Variants in PTPRM observed in about 807,000 individuals in gnomAD.
PTPRM encodes the protein receptor-type tyrosine-protein phosphatase mu.
In PTPRM, 47 loss-of-function variants were observed where a neutral mutation model predicts 186.7. The ratio of observed to expected loss-of-function variants is 0.25; its 90% CI spans 0.20 to 0.32. The LOEUF is 0.32. Ranked by LOEUF, PTPRM falls within the 10% of genes least tolerant of loss-of-function variation. The probability of loss-of-function intolerance (pLI) is 1.00; values close to 1 mark genes in which losing one functional copy is unlikely to be tolerated. For missense variants in PTPRM, 1,494 were observed against 1,865.0 expected, an observed-to-expected ratio of 0.80 and a Z score of 3.66; for synonymous variants, 668 against 674.9, an observed-to-expected ratio of 0.99 and a Z score of 0.16.
At chr18:8,074,107 A>G (rs1452638907) in intron 8 of PTPRM, among the ~76,000 whole-genome samples, 1 of 152,172 alleles carries the variant, frequency 6.6e-6, no homozygotes. Context: ...AATGTTCTAC[A>G]TTTATATATA....
intron 7 of PTPRM, 95 bp downstream of exon 7, chr18:7,955,509 A>C: frequency 7.1e-7 from 1 of 1,409,664 alleles, no homozygotes; most frequent in Non-Finnish European, 9.6e-7. Flanking sequence ...CGCTTCCCCT[A>C]GCTCTATCAA....
At chr18:8,162,832 C>T (rs1188072768) in intron 14 of PTPRM, among the ~76,000 whole-genome samples, 1 of 152,166 alleles carries the variant, frequency 6.6e-6, no homozygotes, top group Non-Finnish European at 1.5e-5. Context: ...AAACAGTCTC[C>T]AGGGCCCTGA....
At chr18:7,855,430 C>A (rs1252327664) in intron 2 of PTPRM, among the ~76,000 whole-genome samples, 1 of 152,202 alleles carries the variant, frequency 6.6e-6, no homozygotes, top group African/African-American at 2.4e-5. Context: ...CTGCTTTTGG[C>A]TCCTTCTCTT....
intron 22 of PTPRM, among the ~76,000 whole-genome samples, chr18:8,330,655 A>ATTTTTTTT (rs374567697): frequency 7.2e-6 from 1 of 139,476 alleles, no homozygotes; most frequent in Non-Finnish European, 1.6e-5. Context: ...GCTGCCGTTC[A>ATTTTTTTT]TTTTTTTTTT....
intron 1 of PTPRM, among the ~76,000 whole-genome samples, chr18:7,772,784 C>T (rs1413840851): frequency 6.6e-6 from 1 of 152,112 alleles, no homozygotes; most frequent in Non-Finnish European, 1.5e-5. Context: ...ACAGGACACA[C>T]ATTGTGGACA....
At chr18:8,018,489 C>G (rs530893102) in intron 7 of PTPRM, among the ~76,000 whole-genome samples, 2 of 151,866 alleles carry the variant, frequency 1.3e-5, no homozygotes, top group Non-Finnish European at 2.9e-5. Context: ...TGCTGATGGA[C>G]AGGAAATGAA....
At chr18:8,169,676 G>A (rs1156567503) in intron 14 of PTPRM, among the ~76,000 whole-genome samples, 1 of 152,138 alleles carries the variant, frequency 6.6e-6, no homozygotes, top group Non-Finnish European at 1.5e-5. Context: ...GTGTATGCGT[G>A]TACTTTTATT....
At chr18:7,745,276 C>T (rs1358458214) in intron 1 of PTPRM, among the ~76,000 whole-genome samples, 2 of 152,084 alleles carry the variant, frequency 1.3e-5, no homozygotes, top group Non-Finnish European at 2.9e-5. Context: ...TATATCTGGC[C>T]AGCTATTTGA....
At chr18:8,396,686 A>G (rs2095846958) in intron 32 of PTPRM, among the ~76,000 whole-genome samples, 1 of 152,144 alleles carries the variant, frequency 6.6e-6, no homozygotes, top group South Asian at 2.1e-4. Context: ...GGGTGCCCAG[A>G]CCTCCAAAGT....
intron 17 of PTPRM, among the ~76,000 whole-genome samples, chr18:8,248,960 G>A (rs2094502558): frequency 6.6e-6 from 1 of 152,312 alleles, no homozygotes; most frequent in South Asian, 2.1e-4. Context: ...GAGAAAAATG[G>A]CATTACCTGG....
At chr18:7,666,215 T>G (rs1284258789) in intron 1 of PTPRM, among the ~76,000 whole-genome samples, 1 of 152,222 alleles carries the variant, frequency 6.6e-6, no homozygotes, top group East Asian at 1.9e-4. Flanking sequence ...GTGTTTTCCT[T>G]TCTTTCCCAC....
chr18:7,665,349 A>C (rs1035258704), intron 1 of PTPRM, among the ~76,000 whole-genome samples: 3 of 152,188 alleles, frequency 2.0e-5, no homozygotes, highest in African/African-American at 7.2e-5. Context: ...TTTCCTTATG[A>C]TGTTGTACAG....
chr18:7,813,192 G>A (rs2044623354), intron 2 of PTPRM, among the ~76,000 whole-genome samples: 1 of 152,216 alleles, frequency 6.6e-6, no homozygotes, highest in African/African-American at 2.4e-5. Context: ...AAATGAGTGA[G>A]GGGAATGGCA....
At chr18:7,992,315 T>C (rs1224778364) in intron 7 of PTPRM, among the ~76,000 whole-genome samples, 4 of 152,190 alleles carry the variant, frequency 2.6e-5, no homozygotes, top group Non-Finnish European at 4.4e-5. Context: ...AAAATCTTAC[T>C]ACAATCAAGT....
chr18:7,683,784 A>G (rs934004149), intron 1 of PTPRM, among the ~76,000 whole-genome samples: 12 of 152,156 alleles, frequency 7.9e-5, no homozygotes, highest in African/African-American at 2.9e-4. Context: ...CGGGCTTGCT[A>G]TGCTCAGGGT....
At chr18:8,392,399 C>T (rs1457166315) in intron 31 of PTPRM, among the ~76,000 whole-genome samples, 3 of 152,026 alleles carry the variant, frequency 2.0e-5, no homozygotes, top group East Asian at 1.9e-4. Context: ...CCGGGGCGGG[C>T]AGATCACTAG....
intron 1 of PTPRM, among the ~76,000 whole-genome samples, chr18:7,606,927 G>C (rs1458058105): frequency 1.3e-5 from 2 of 151,990 alleles, no homozygotes; most frequent in Non-Finnish European, 2.9e-5. Flanking sequence ...ACCTTGTTTT[G>C]GTGGAAACTG....
At chr18:8,005,463 C>T (rs1892718856) in intron 7 of PTPRM, among the ~76,000 whole-genome samples, 1 of 152,164 alleles carries the variant, frequency 6.6e-6, no homozygotes, top group Admixed American at 6.5e-5. Context: ...TTTCAAACTA[C>T]TTTTACATAA....
intron 2 of PTPRM, among the ~76,000 whole-genome samples, chr18:7,883,866 G>A (rs1476471902): frequency 6.6e-6 from 1 of 152,196 alleles, no homozygotes. Flanking sequence ...TTCCAGCTGG[G>A]CACAGTGGCT....
Sources: gnomAD v4.1 joint callset for allele counts (sites outside exome capture counted in the v4.1 genomes callset) on GRCh38, gnomAD v4.1.1 for gene constraint, MANE v1.5 for transcripts, NCBI Gene and HGNC (gene_info 2026-07-23, HGNC 2026-07-21) for gene names.